ENTREP2: variants seen among roughly 807,000 people sequenced by gnomAD.
The protein encoded by ENTREP2 is protein ENTREP2.
chr15:29,659,117 T>C, the ENTREP2 span, among the ~76,000 whole-genome samples: 23 of 152,280 alleles, frequency 1.5e-4, no homozygotes, highest in African/African-American at 4.6e-4. Context: ...ATCCACTCAA[T>C]TGAAATAAAT....
At chr15:29,320,199 C>A in the ENTREP2 span, among the ~76,000 whole-genome samples, 2 of 152,158 alleles carry the variant, frequency 1.3e-5, no homozygotes, top group Admixed American at 1.3e-4. Context: ...GAGTAAAACA[C>A]ACCACACACA....
At chr15:29,611,863 T>C in the ENTREP2 span, among the ~76,000 whole-genome samples, 1 of 152,204 alleles carries the variant, frequency 6.6e-6, no homozygotes, top group Non-Finnish European at 1.5e-5. Context: ...TCTTAGCTTA[T>C]TTCGTTGCCT....
At chr15:29,252,989 C>G in the ENTREP2 span, among the ~76,000 whole-genome samples, 3,886 of 152,316 alleles carry the variant, frequency 0.026, 64 homozygotes, top group Middle Eastern at 0.071. Flanking sequence ...CCCCTACCAT[C>G]TGAATTATTG....
the ENTREP2 span, among the ~76,000 whole-genome samples, chr15:29,650,821 C>A: frequency 6.6e-6 from 1 of 152,096 alleles, no homozygotes; most frequent in African/African-American, 2.4e-5. Flanking sequence ...GCAGCCTGAG[C>A]AACATAGCAA....
chr15:29,661,949 G>A, the ENTREP2 span, among the ~76,000 whole-genome samples: 3 of 152,102 alleles, frequency 2.0e-5, no homozygotes, highest in East Asian at 1.9e-4. Flanking sequence ...GGTGTATTAC[G>A]CCTGTAATCC....
the ENTREP2 span, among the ~76,000 whole-genome samples, chr15:29,263,329 G>A: frequency 6.6e-6 from 1 of 152,208 alleles, no homozygotes; most frequent in Admixed American, 6.5e-5. Context: ...AAGACCAAAA[G>A]GTTTTCTATT....
chr15:29,359,159 T>G, the ENTREP2 span, among the ~76,000 whole-genome samples: 1 of 152,178 alleles, frequency 6.6e-6, no homozygotes, highest in Non-Finnish European at 1.5e-5. Flanking sequence ...ATATGGATCA[T>G]GTAGGAAAAA....
the ENTREP2 span, among the ~76,000 whole-genome samples, chr15:29,219,614 A>AATATATATAT: frequency 0.017 from 636 of 37,806 alleles, 64 homozygotes; most frequent in Non-Finnish European, 0.024. Context: ...GTGGTGCATA[A>AATATATATAT]ATATATATAT....
chr15:29,342,726 G>A, the ENTREP2 span, among the ~76,000 whole-genome samples: 3 of 152,054 alleles, frequency 2.0e-5, no homozygotes, highest in Non-Finnish European at 4.4e-5. Flanking sequence ...TGTAATTTCT[G>A]TTACCACGAG....
chr15:29,145,495 C>T, the ENTREP2 span, among the ~76,000 whole-genome samples: 13 of 151,726 alleles, frequency 8.6e-5, no homozygotes, highest in African/African-American at 2.4e-4. Flanking sequence ...TGGTGGCGGG[C>T]GCCTGTAGTC....
At chr15:29,457,726 C>T in the ENTREP2 span, among the ~76,000 whole-genome samples, 1 of 152,238 alleles carries the variant, frequency 6.6e-6, no homozygotes, top group African/African-American at 2.4e-5. Context: ...CCAAAACAGT[C>T]GAAAGTGTCA....
the ENTREP2 span, among the ~76,000 whole-genome samples, chr15:29,172,819 C>T: frequency 2.3e-3 from 355 of 152,230 alleles, no homozygotes; most frequent in African/African-American, 8.1e-3. Context: ...CCTGCCCTGG[C>T]TGAACCTCCC....
the ENTREP2 span, among the ~76,000 whole-genome samples, chr15:29,474,449 G>A: frequency 1.6e-3 from 247 of 152,272 alleles, no homozygotes; most frequent in African/African-American, 5.7e-3. Context: ...TCAGGTTCAT[G>A]GTCAAGTCCA....
At chr15:29,241,938 G>A in the ENTREP2 span, among the ~76,000 whole-genome samples, 2 of 152,194 alleles carry the variant, frequency 1.3e-5, no homozygotes, top group African/African-American at 2.4e-5. Context: ...CAGCTGCCTG[G>A]AAGAGTGAGG....
At chr15:29,191,758 TA>T in the ENTREP2 span, among the ~76,000 whole-genome samples, 4 of 151,984 alleles carry the variant, frequency 2.6e-5, no homozygotes, top group East Asian at 5.8e-4. Context: ...CTACAAACAA[TA>T]AAAAATTAGC....
At chr15:29,457,169 C>T in the ENTREP2 span, among the ~76,000 whole-genome samples, 1 of 152,190 alleles carries the variant, frequency 6.6e-6, no homozygotes, top group African/African-American at 2.4e-5. Flanking sequence ...AGCACAGAAG[C>T]CGGCATGGTT....
chr15:29,287,610 A>T, the ENTREP2 span, among the ~76,000 whole-genome samples: 1 of 152,204 alleles, frequency 6.6e-6, no homozygotes, highest in African/African-American at 2.4e-5. Context: ...TTATAAAACA[A>T]TATTGAGATA....
At chr15:29,655,477 T>C in the ENTREP2 span, among the ~76,000 whole-genome samples, 1 of 152,140 alleles carries the variant, frequency 6.6e-6, no homozygotes, top group Non-Finnish European at 1.5e-5. Flanking sequence ...CATGTTTTGC[T>C]TTCAACTAAA....
the ENTREP2 span, among the ~76,000 whole-genome samples, chr15:29,132,447 C>T: frequency 2.6e-5 from 4 of 152,292 alleles, no homozygotes; most frequent in South Asian, 2.1e-4. Flanking sequence ...TGCTGCCAGG[C>T]GGGCGCCCAG....
Sources: gnomAD v4.1 joint callset for allele counts (sites outside exome capture counted in the v4.1 genomes callset) on GRCh38, gnomAD v4.1.1 for gene constraint, MANE v1.5 for transcripts, NCBI Gene and HGNC (gene_info 2026-07-23, HGNC 2026-07-21) for gene names.